The following AOPEP variants were observed in gnomAD, a reference collection of about 807,000 sequenced individuals.
AOPEP encodes the protein aminopeptidase O.
Under a neutral mutation model 98.1 loss-of-function variants are expected in AOPEP, and 77 were observed. The ratio of observed to expected loss-of-function variants is 0.78; its 90% CI spans 0.65 to 0.95. AOPEP has a LOEUF of 0.95. Ranked by LOEUF, AOPEP falls within the 40% of genes least tolerant of loss-of-function variation. The probability of loss-of-function intolerance (pLI) is 0.00; values close to 1 mark genes in which losing one functional copy is unlikely to be tolerated. For missense variants in AOPEP, 1,024 were observed against 1,024.7 expected (o/e 1.00, Z 0.01); for synonymous variants, 346 against 365.3 (o/e 0.95, Z 0.60).
chr9:95,031,912 C>T (rs1026772626), intron 13 of AOPEP, among the ~76,000 whole-genome samples: 24 of 152,126 alleles, frequency 1.6e-4, no homozygotes, highest in Non-Finnish European at 2.1e-4. Flanking sequence ...GCAGAGCCCC[C>T]GCCTCTTCTT....
chr9:95,037,502 T>G (rs761967923), intron 13 of AOPEP, among the ~76,000 whole-genome samples: 3 of 152,238 alleles, frequency 2.0e-5, no homozygotes, highest in Non-Finnish European at 4.4e-5. Context: ...AATTCAGGTC[T>G]TTTCCAGGAA....
At chr9:94,932,264 A>G in intron 7 of AOPEP, 2 of 985,158 alleles carry the variant, frequency 2.0e-6, no homozygotes, top group Non-Finnish European at 2.4e-6. Context: ...TATGTGTCTT[A>G]TTATTTTAAA....
intron 5 of AOPEP, among the ~76,000 whole-genome samples, chr9:94,836,639 G>T (rs889918816): frequency 1.3e-5 from 2 of 152,096 alleles, no homozygotes; most frequent in Non-Finnish European, 2.9e-5. Flanking sequence ...TTTTCTCCCA[G>T]CCTGTAGCTT....
At chr9:94,966,213 T>G (rs1379658485) in intron 9 of AOPEP, among the ~76,000 whole-genome samples, 60 of 119,176 alleles carry the variant, frequency 5.0e-4, no homozygotes, top group Middle Eastern at 5.3e-3. Context: ...TCTATTGGGA[T>G]GCTTCGGTCT....
chr9:94,730,054 G>A (rs1830152793), intron 1 of AOPEP, among the ~76,000 whole-genome samples: 1 of 152,188 alleles, frequency 6.6e-6, no homozygotes, highest in Non-Finnish European at 1.5e-5. Context: ...GAAGGCCGAG[G>A]TGGGTAGATC....
chr9:94,784,696 A>T (rs952424833), intron 3 of AOPEP, among the ~76,000 whole-genome samples: 1 of 152,108 alleles, frequency 6.6e-6, no homozygotes, highest in Non-Finnish European at 1.5e-5. Context: ...GCCCACTGCA[A>T]CCTCTGCCTC....
At chr9:94,894,477 T>C (rs554485975) in intron 5 of AOPEP, among the ~76,000 whole-genome samples, 31 of 152,288 alleles carry the variant, frequency 2.0e-4, no homozygotes, top group African/African-American at 7.2e-4. Flanking sequence ...TAAATGATTT[T>C]CTAAGAACAT....
At chr9:95,017,751 A>G (rs986972956) in intron 13 of AOPEP, among the ~76,000 whole-genome samples, 1 of 152,272 alleles carries the variant, frequency 6.6e-6, no homozygotes, top group African/African-American at 2.4e-5. Flanking sequence ...GTCCAGTTTT[A>G]GAACATTTCC....
chr9:94,892,470 G>A (rs59196614), intron 5 of AOPEP, among the ~76,000 whole-genome samples: 4,401 of 152,230 alleles, frequency 0.029, 171 homozygotes, highest in African/African-American at 0.084. Flanking sequence ...CATAGAGCTC[G>A]CTGGAAGAAG....
At chr9:94,757,048 A>G (rs1837219171) in intron 1 of AOPEP, among the ~76,000 whole-genome samples, 1 of 152,188 alleles carries the variant, frequency 6.6e-6, no homozygotes, top group Non-Finnish European at 1.5e-5. Flanking sequence ...TCTGGATAGG[A>G]GAGGAATGTG....
At chr9:94,835,743 A>G (rs773697951) in intron 5 of AOPEP, among the ~76,000 whole-genome samples, 4 of 152,222 alleles carry the variant, frequency 2.6e-5, no homozygotes, top group African/African-American at 4.8e-5. Context: ...AGTGGTATCT[A>G]TGCAAAATTC....
At chr9:94,931,878 C>A in intron 7 of AOPEP, 4 of 1,294,820 alleles carry the variant, frequency 3.1e-6, no homozygotes, top group African/African-American at 1.5e-5. Context: ...GCCTCTGTGG[C>A]CAGTCCTTCC....
intron 1 of AOPEP, among the ~76,000 whole-genome samples, chr9:94,752,363 A>T (rs776648819): frequency 0.057 from 7,484 of 130,286 alleles, 486 homozygotes; most frequent in African/African-American, 0.18. Context: ...TCTCTCTCAC[A>T]CACACACACA....
intron 5 of AOPEP, among the ~76,000 whole-genome samples, chr9:94,809,397 T>C (rs1375178780): frequency 3.3e-5 from 5 of 152,220 alleles, no homozygotes; most frequent in East Asian, 1.9e-4. Context: ...CTTTTTACAG[T>C]GAGCATTTCA....
the AOPEP span, chr9:95,107,337 T>A: frequency 6.5e-7 from 1 of 1,528,034 alleles, no homozygotes; most frequent in South Asian, 1.2e-5. Flanking sequence ...TAGGATTTAT[T>A]TATTTGCTTT....
At chr9:94,925,717 G>A (rs963365288) in intron 6 of AOPEP, among the ~76,000 whole-genome samples, 2 of 152,246 alleles carry the variant, frequency 1.3e-5, no homozygotes, top group African/African-American at 4.8e-5. Flanking sequence ...GGAGTCCTGT[G>A]AGGAGAGGCC....
chr9:94,945,249 A>G (rs924274474), intron 7 of AOPEP, among the ~76,000 whole-genome samples: 2 of 152,146 alleles, frequency 1.3e-5, no homozygotes, highest in Admixed American at 1.3e-4. Flanking sequence ...CCTCTTAATA[A>G]TAGAATCCTG....
At chr9:94,952,252 T>C (rs1176177306) in intron 7 of AOPEP, among the ~76,000 whole-genome samples, 1 of 152,250 alleles carries the variant, frequency 6.6e-6, no homozygotes, top group Non-Finnish European at 1.5e-5. Flanking sequence ...TGCTGTTTCA[T>C]GTACGTGCAT....
chr9:94,847,685 A>AGGGAGGAAACAGATATGAGT (rs2043033010), intron 5 of AOPEP, among the ~76,000 whole-genome samples: 1 of 152,204 alleles, frequency 6.6e-6, no homozygotes, highest in Admixed American at 6.5e-5. Context: ...GTGTGCAGTA[A>AGGGAGGAAACAGATATGAGT]GGGAGGAAAC....
Sources: allele counts gnomAD v4.1 joint callset (sites outside exome capture counted in the v4.1 genomes callset), GRCh38; gene constraint gnomAD v4.1.1; transcripts MANE v1.5; gene names NCBI Gene and HGNC (gene_info 2026-07-23, HGNC 2026-07-21).